The following ASTN2 variants were observed in gnomAD, a reference collection of about 807,000 sequenced individuals.
ASTN2 encodes the protein astrotactin-2.
In ASTN2, 54 loss-of-function variants were observed where a neutral mutation model predicts 139.8. The ratio of observed to expected loss-of-function variants is 0.39; its 90% CI spans 0.31 to 0.48. The LOEUF is 0.48. ASTN2 is among the 20% of genes least tolerant of loss of function. The pLI is 0.95. For synonymous variants in ASTN2, 756 were observed against 719.5 expected (o/e 1.05, Z -0.81); for missense variants, 1,565 against 1,725.1 (o/e 0.91, Z 1.64).
At chr9:117,028,920 T>G (rs886674018) in intron 6 of ASTN2, among the ~76,000 whole-genome samples, 1 of 152,264 alleles carries the variant, frequency 6.6e-6, no homozygotes, top group Non-Finnish European at 1.5e-5. Flanking sequence ...AGTACCACCT[T>G]GTTCCCCTCC....
intron 16 of ASTN2, among the ~76,000 whole-genome samples, chr9:116,654,508 C>T (rs1858099799): frequency 6.6e-6 from 1 of 151,938 alleles, no homozygotes; most frequent in East Asian, 1.9e-4. Context: ...TTGTGAATCT[C>T]CGGGGAGAAA....
chr9:116,534,340 G>GT (rs753864211), intron 19 of ASTN2, among the ~76,000 whole-genome samples: 2 of 152,090 alleles, frequency 1.3e-5, no homozygotes, highest in Non-Finnish European at 2.9e-5. Flanking sequence ...TTTTCGAATG[G>GT]TTTTTTGTGT....
At chr9:117,248,005 C>T (rs1244152035) in intron 2 of ASTN2, among the ~76,000 whole-genome samples, 1 of 152,196 alleles carries the variant, frequency 6.6e-6, no homozygotes, top group Non-Finnish European at 1.5e-5. Context: ...CTCCAACAGA[C>T]AATGAAAATG....
chr9:117,363,603 G>A (rs1829752633), intron 1 of ASTN2, among the ~76,000 whole-genome samples: 2 of 152,152 alleles, frequency 1.3e-5, no homozygotes, highest in African/African-American at 4.8e-5. Context: ...AGCAGATAGA[G>A]AGGACATTTT....
At chr9:116,788,751 T>C (rs1385079729) in intron 13 of ASTN2, among the ~76,000 whole-genome samples, 1 of 152,176 alleles carries the variant, frequency 6.6e-6, no homozygotes, top group Non-Finnish European at 1.5e-5. Flanking sequence ...TTTCTCTCAT[T>C]AAGAAGAATT....
chr9:116,537,553 C>T (rs1277637218), intron 19 of ASTN2, among the ~76,000 whole-genome samples: 1 of 152,036 alleles, frequency 6.6e-6, no homozygotes, highest in Non-Finnish European at 1.5e-5. Flanking sequence ...ACAGTGAAGC[C>T]CTGGAAGGTG....
intron 19 of ASTN2, among the ~76,000 whole-genome samples, chr9:116,493,697 G>T (rs1438457048): frequency 6.6e-6 from 1 of 152,014 alleles, no homozygotes; most frequent in Non-Finnish European, 1.5e-5. Context: ...TTCTGAATGA[G>T]TTGAGGTCAC....
At chr9:117,147,218 A>G (rs528586033) in intron 3 of ASTN2, among the ~76,000 whole-genome samples, 1 of 152,250 alleles carries the variant, frequency 6.6e-6, no homozygotes, top group East Asian at 1.9e-4. Flanking sequence ...CTTAAACTGT[A>G]TATTTAAACT....
At chr9:116,732,876 G>A (rs1828825670) in intron 14 of ASTN2, among the ~76,000 whole-genome samples, 1 of 152,154 alleles carries the variant, frequency 6.6e-6, no homozygotes, top group Non-Finnish European at 1.5e-5. Context: ...ACCTCTCTAA[G>A]TATAGCTTCC....
At chr9:117,125,718 G>A (rs1370951051) in intron 4 of ASTN2, among the ~76,000 whole-genome samples, 2 of 152,074 alleles carry the variant, frequency 1.3e-5, no homozygotes, top group Non-Finnish European at 2.9e-5. Flanking sequence ...TATCCGTCAG[G>A]GCAGGTTGTC....
chr9:116,443,920 G>A lies in ASTN2; in HGVS notation c.3498-1367C>T, dbSNP rs185432652. Among the ~76,000 whole-genome samples the A allele has an allele frequency of 1.5e-4, 23 of 152,212 alleles. No individual in the cohort carries two copies. In the East Asian group the frequency reaches 4.1e-3, roughly 27 times the overall value. ...TAAAATACGAAAAACACTATGATTA[G>A]CAAGTTTCAGAATGCTGAGCCCTGA... is the stretch of plus-strand genomic sequence containing the variant. On this transcript the variant is annotated intron_variant, in intron 20 of 22. Transcript: ENST00000313400.
chr9:117,224,318 G>T (rs990811676), intron 2 of ASTN2, among the ~76,000 whole-genome samples: 1 of 152,172 alleles, frequency 6.6e-6, no homozygotes, highest in Non-Finnish European at 1.5e-5. Flanking sequence ...GATTAAATGC[G>T]ATTGCAGTGT....
At chr9:117,090,104 T>C (rs1828668590) in intron 5 of ASTN2, among the ~76,000 whole-genome samples, 2 of 152,220 alleles carry the variant, frequency 1.3e-5, no homozygotes, top group African/African-American at 4.8e-5. Flanking sequence ...AAATCTGAAC[T>C]AGCACCTGTT....
At position 116,424,877 on chromosome 9, in the gene ASTN2, CTG is replaced by C. The variant is rs1847263724; in HGVS notation, c.*972_*973del. 6.6e-6 allele frequency among the ~76,000 whole-genome samples: 1 copy of C among 152,196 alleles called. No individual in the cohort carries two copies. Among genetic ancestry groups the C allele is most frequent in the African/African-American group, 2.4e-5 (1 of 41,462 alleles). ...GTGCTAGGATTACAGGCATGAGCCA[CTG>C]TGCCTGGCAAGCAAATCCCATCTTT... On this transcript the variant is annotated 3_prime_UTR_variant, in exon 23 of 23. Transcript: ENST00000313400.
chr9:116,508,332 G>A (rs1301767625), intron 19 of ASTN2, among the ~76,000 whole-genome samples: 4 of 152,312 alleles, frequency 2.6e-5, no homozygotes, highest in African/African-American at 4.8e-5. Flanking sequence ...TGGTAGTGGC[G>A]TCAAGGTCAA....
intron 12 of ASTN2, among the ~76,000 whole-genome samples, chr9:116,818,571 T>C (rs1490100693): frequency 2.6e-5 from 4 of 152,136 alleles, no homozygotes; most frequent in African/African-American, 4.8e-5. Flanking sequence ...CTCTCACCCA[T>C]TCAATCTTCT....
chr9:117,039,883 G>T lies in ASTN2; in HGVS notation c.1359C>A (p.Ser453Arg). 4 of 1,613,782 alleles carry T rather than the reference G, an allele frequency of 2.5e-6. No individual in the cohort carries two copies. The South Asian group carries it at 3.3e-5, about 13-fold the overall frequency. Residue 453 changes from serine (S) to arginine (R), a missense_variant, in exon 6 of 23, where the codon AGC (serine) becomes AGA (arginine). By Grantham distance (110) the Ser-to-Arg change is moderately radical (BLOSUM62 -1). Coordinates refer to ENST00000313400, the MANE Select transcript of ASTN2 (RefSeq NM_001365068.1). ...SSCILAMVCG[S>R]QMSCPLTVKV... ...TCACAGTGAGTGGACAAGACATCTG[G>T]CTGCCACACACCATGGCCAGGATGC...
In ASTN2 at chr9:116,651,472, T is replaced by C. The variant is rs970622720; in HGVS notation, c.3072+56A>G. ...CCCCTGGACAAAGGGTCCACAAGGG[T>C]AGGAGGTAGGAGGGCTGGTCAAGTT... On this transcript the variant is annotated intron_variant, in intron 17 of 22. Coordinates refer to ENST00000313400, the MANE Select transcript of ASTN2 (RefSeq NM_001365068.1). 5.1e-6 allele frequency: 8 copies of C among 1,581,670 alleles called. No homozygotes were observed. In the African/African-American group the frequency reaches 5.4e-5, roughly 11 times the overall value.
At chr9:117,173,184 A>G (rs1830835493) in intron 3 of ASTN2, among the ~76,000 whole-genome samples, 1 of 152,210 alleles carries the variant, frequency 6.6e-6, no homozygotes, top group Non-Finnish European at 1.5e-5. Context: ...AAAAATAAAT[A>G]AAACCACAGC....
Sources: gnomAD v4.1 joint callset for allele counts (sites outside exome capture counted in the v4.1 genomes callset) on GRCh38, gnomAD v4.1.1 for gene constraint, MANE v1.5 for transcripts, NCBI Gene and HGNC (gene_info 2026-07-23, HGNC 2026-07-21) for gene names.